Variants in RBBP4 observed in about 807,000 individuals in gnomAD.
RBBP4 encodes RB binding protein 4, chromatin remodeling factor.
Under a neutral mutation model 57.2 loss-of-function variants are expected in RBBP4, and 3 were observed. The ratio of observed to expected loss-of-function variants is 0.05; its 90% CI spans 0.02 to 0.14. The LOEUF is 0.14. Among genes scored for constraint, RBBP4 ranks in the 10% least tolerant of loss-of-function variants. The pLI is 1.00. For missense variants in RBBP4, 107 were observed against 520.6 expected, an observed-to-expected ratio of 0.21 and a Z score of 7.73; for synonymous variants, 151 against 171.5, an observed-to-expected ratio of 0.88 and a Z score of 0.93.
At position 32,653,954 on chromosome 1, in the gene RBBP4, G is replaced by A. The variant is rs928827194; in HGVS notation, c.164+1893G>A. 5.3e-5 allele frequency among the ~76,000 whole-genome samples: 8 copies of A among 151,926 alleles called. No homozygotes were observed. The East Asian group carries it at 5.8e-4, about 11-fold the overall frequency. ...ATTACAGGCGTGAGCCACCGCGCCC[G>A]GCCTAGAAGCTTCTTTATCATGACC... is the stretch of plus-strand genomic sequence containing the variant. On this transcript the variant is annotated intron_variant, in intron 2 of 11. Coordinates refer to ENST00000373493, the MANE Select transcript of RBBP4 (RefSeq NM_005610.3).
chr1:32,664,540 C>T (rs1648564389), intron 3 of RBBP4, among the ~76,000 whole-genome samples: 1 of 152,096 alleles, frequency 6.6e-6, no homozygotes, highest in African/African-American at 2.4e-5. Flanking sequence ...GCAACCTCTG[C>T]CTCCCGGGTT....
chr1:32,670,423 A>G (rs895735491), intron 8 of RBBP4, among the ~76,000 whole-genome samples: 4 of 152,200 alleles, frequency 2.6e-5, no homozygotes, highest in African/African-American at 7.2e-5. Context: ...GGGAGTTTAT[A>G]TCCTGCTCAA....
rs1013871638 is a variant in RBBP4, at chr1:32,681,906, T to G, written c.*2201T>G. Reference sequence around the variant, plus strand: ...GTTTATAACAGTGAACTTCTGAGGTTTAGTTACTGCAGGCTTTGTTGAGAA... The same window carrying G: ...GTTTATAACAGTGAACTTCTGAGGTGTAGTTACTGCAGGCTTTGTTGAGAA... On this transcript the variant is annotated 3_prime_UTR_variant, in exon 12 of 12. Transcript: ENST00000373493. The G allele has an allele frequency of 1.4e-5, 22 of 1,535,102 alleles. No homozygotes were observed. Among genetic ancestry groups the G allele is most frequent in the Non-Finnish European group, 2.0e-5 (22 of 1,108,510 alleles).
chr1:32,667,472 A>G (rs775399092), intron 3 of RBBP4, among the ~76,000 whole-genome samples: 20 of 152,032 alleles, frequency 1.3e-4, no homozygotes, highest in Admixed American at 3.3e-4. Context: ...CTTGTATGCA[A>G]TAAATATCAG....
chr1:32,681,462 A>G lies in RBBP4; in HGVS notation c.*1757A>G. 4.8e-6 allele frequency: 1 copy of G among 209,986 alleles called. No individual in the cohort carries two copies. The highest frequency in any genetic ancestry group is 9.4e-6 in the Non-Finnish European group (1 of 106,112). The allele number at this position is 209,986 out of a possible 1,614,324, so 13.0% of individuals were successfully genotyped here. A position where few individuals can be genotyped will look rare whatever the true frequency, so the allele number is the denominator to read the frequency against. On this transcript the variant is annotated 3_prime_UTR_variant, in exon 12 of 12. Coordinates refer to ENST00000373493, the MANE Select transcript of RBBP4 (RefSeq NM_005610.3). ...TTTTTGACCCCACATGTGCCCCTCA[A>G]AAATGTTTTTGGTTTGGGTCAACAC...
chr1:32,674,905 G>T (rs115513432), intron 11 of RBBP4, among the ~76,000 whole-genome samples: 10,743 of 149,890 alleles, frequency 0.072, 1,255 homozygotes, highest in African/African-American at 0.25. Flanking sequence ...TTTTTTTGTT[G>T]TTGTTTTTTA....
chr1:32,671,143 T>G (rs1648858399), intron 8 of RBBP4, among the ~76,000 whole-genome samples: 1 of 152,186 alleles, frequency 6.6e-6, no homozygotes, highest in Admixed American at 6.6e-5. Flanking sequence ...AATTATTGCA[T>G]GGAGTCATTT....
intron 2 of RBBP4, among the ~76,000 whole-genome samples, chr1:32,653,377 G>A (rs1211826690): frequency 6.6e-6 from 1 of 152,130 alleles, no homozygotes; most frequent in Non-Finnish European, 1.5e-5. Flanking sequence ...ATTCAAAAGC[G>A]ATTGTATGCT....
chr1:32,678,706 C>T (rs775908667), intron 11 of RBBP4, among the ~76,000 whole-genome samples: 36 of 148,976 alleles, frequency 2.4e-4, no homozygotes, highest in South Asian at 2.2e-4. Context: ...TCTTATGCCT[C>T]AGCCTCCCAA....
chr1:32,673,429 C>T, intron 11 of RBBP4: 1 of 368,180 alleles, frequency 2.7e-6, no homozygotes, highest in Non-Finnish European at 5.1e-6. Flanking sequence ...TGAACACCCT[C>T]CTTAAATTTT....
rs768580497 is a variant in RBBP4 at position 32,651,907 on chromosome 1, A to C, written c.17-7A>C. ...TGCTAACTTAAATTTGTTTTTAAAA[A>C]TTTTAGCAGCCTTCGACGACGCAGT... On this transcript the variant is annotated splice_polypyrimidine_tract_variant and splice_region_variant and intron_variant, in intron 1 of 11. Transcript: ENST00000373493. 1 of 1,613,104 alleles carries C rather than the reference A, an allele frequency of 6.2e-7. No homozygotes were observed. The highest frequency in any genetic ancestry group is 1.1e-5 in the South Asian group (1 of 91,048).
intron 1 of RBBP4, 43 bp from the exon 2 acceptor site, chr1:32,651,871 T>C (rs932635479): frequency 2.5e-6 from 4 of 1,595,714 alleles, no homozygotes; most frequent in African/African-American, 1.3e-5. Context: ...ATTACTCGGT[T>C]TCCGTTTGTT....
At chr1:32,658,472 A>C (rs1648241336) in intron 3 of RBBP4, among the ~76,000 whole-genome samples, 1 of 152,008 alleles carries the variant, frequency 6.6e-6, no homozygotes, top group Non-Finnish European at 1.5e-5. Flanking sequence ...ACTAAGTTCC[A>C]ATGAGTTGTT....
At chr1:32,674,296 C>T (rs895244397) in intron 11 of RBBP4, among the ~76,000 whole-genome samples, 12 of 98,838 alleles carry the variant, frequency 1.2e-4, no homozygotes, top group East Asian at 3.0e-4. Context: ...TGCAGTGGTG[C>T]GATTACAGCT....
chr1:32,666,032 T>C (rs921928227), intron 3 of RBBP4, among the ~76,000 whole-genome samples: 2 of 152,200 alleles, frequency 1.3e-5, no homozygotes, highest in Non-Finnish European at 2.9e-5. Flanking sequence ...ATAGTAGTCA[T>C]GTGTGAATAA....
chr1:32,651,527 GGT>G, intron 1 of RBBP4: 1 of 1,314,730 alleles, frequency 7.6e-7, no homozygotes, highest in South Asian at 2.2e-5. Flanking sequence ...CGAAGCCAGC[GGT>G]GGGGCCCCCG....
At chr1:32,657,607 G>A (rs546930822) in intron 3 of RBBP4, 35 bp downstream of exon 3, 4 of 1,605,992 alleles carry the variant, frequency 2.5e-6, no homozygotes, top group Admixed American at 3.4e-5. Flanking sequence ...GTAAAGATGT[G>A]TGGGTCATAT....
chr1:32,667,147 C>T (rs1648689089), intron 3 of RBBP4, among the ~76,000 whole-genome samples: 1 of 152,196 alleles, frequency 6.6e-6, no homozygotes, highest in Non-Finnish European at 1.5e-5. Flanking sequence ...CCAGGCCTGC[C>T]CACAGTCATC....
chr1:32,654,850 C>G (rs543919452), intron 2 of RBBP4, among the ~76,000 whole-genome samples: 11 of 152,202 alleles, frequency 7.2e-5, no homozygotes, highest in African/African-American at 2.6e-4. Context: ...CCCGCCACCA[C>G]GCCCAGCTAA....
Sources: allele counts gnomAD v4.1 joint callset (sites outside exome capture counted in the v4.1 genomes callset), GRCh38; gene constraint gnomAD v4.1.1; transcripts MANE v1.5; gene names NCBI Gene and HGNC (gene_info 2026-07-23, HGNC 2026-07-21).